Variants in ADGRL3 observed in about 807,000 individuals in gnomAD.
ADGRL3 encodes adhesion G protein-coupled receptor L3, also known as calcium-independent alpha-latrotoxin receptor 3.
In ADGRL3, 62 loss-of-function variants were observed where a neutral mutation model predicts 153.5. The observed-to-expected ratio is 0.40, with a 90% CI of 0.33 to 0.50. The LOEUF (loss-of-function observed/expected upper bound fraction) is 0.50. Among genes scored for constraint, ADGRL3 ranks in the 20% least tolerant of loss-of-function variants. ADGRL3 has a pLI of 0.47. For synonymous variants in ADGRL3, 710 were observed against 672.5 expected (o/e 1.06, Z -0.86); for missense variants, 1,641 against 1,859.4 (o/e 0.88, Z 2.16).
intron 9 of ADGRL3, among the ~76,000 whole-genome samples, chr4:61,890,639 G>A (rs2098572100): frequency 6.6e-6 from 1 of 152,182 alleles, no homozygotes; most frequent in Non-Finnish European, 1.5e-5. Flanking sequence ...ATTCACGAGG[G>A]CAGAGCCCTC....
chr4:61,628,548 T>A (rs1560960094), intron 5 of ADGRL3, among the ~76,000 whole-genome samples: 1 of 152,240 alleles, frequency 6.6e-6, no homozygotes, highest in African/African-American at 2.4e-5. Flanking sequence ...ATGACAAGTT[T>A]AATTTAATTA....
intron 5 of ADGRL3, among the ~76,000 whole-genome samples, chr4:61,647,056 C>A (rs1043025383): frequency 1.3e-5 from 2 of 152,166 alleles, no homozygotes; most frequent in Non-Finnish European, 1.5e-5. Flanking sequence ...CCGTCCATCA[C>A]CCCTTTCTTT....
intron 1 of ADGRL3, among the ~76,000 whole-genome samples, chr4:61,286,733 A>T (rs765365328): frequency 6.6e-6 from 1 of 151,680 alleles, no homozygotes; most frequent in Admixed American, 6.6e-5. Flanking sequence ...ATTCATTGAT[A>T]TTTTGAAAAA....
chr4:61,312,347 A>G (rs781056269), intron 1 of ADGRL3, among the ~76,000 whole-genome samples: 2 of 152,202 alleles, frequency 1.3e-5, no homozygotes. Context: ...GAGAAAATCT[A>G]GGTGACCTTG....
chr4:61,853,835 G>C (rs1431301587), intron 9 of ADGRL3, among the ~76,000 whole-genome samples: 2 of 152,182 alleles, frequency 1.3e-5, no homozygotes, highest in East Asian at 3.9e-4. Flanking sequence ...AGCTCAACAA[G>C]GGAGAGCTAG....
intron 4 of ADGRL3, among the ~76,000 whole-genome samples, chr4:61,566,658 T>C (rs1305995285): frequency 6.6e-6 from 1 of 152,094 alleles, no homozygotes; most frequent in Non-Finnish European, 1.5e-5. Flanking sequence ...AAGATAAAAA[T>C]ATATAATAAA....
In ADGRL3 at chr4:61,609,657, A is replaced by G. The variant is rs80182924; in HGVS notation, c.473+22217A>G. On this transcript the variant is annotated intron_variant, in intron 5 of 26. Transcript: ENST00000683033. ...CTGAATTTTCTTTCCTGTATGTACA[A>G]TCCTGATTATGCAGCCCAGCTTCAC... 5.9e-3 allele frequency among the ~76,000 whole-genome samples: 895 copies of G among 152,132 alleles called. 13 individuals are homozygous for G. Among genetic ancestry groups the G allele is most frequent in the African/African-American group, 0.02 (847 of 41,500 alleles).
chr4:61,491,316 A>G (rs1361964657), intron 2 of ADGRL3, among the ~76,000 whole-genome samples: 2 of 152,200 alleles, frequency 1.3e-5, no homozygotes, highest in African/African-American at 2.4e-5. Context: ...GAATTGAATA[A>G]TAAGCATTTA....
intron 25 of ADGRL3, among the ~76,000 whole-genome samples, chr4:62,051,452 C>A (rs759984387): frequency 6.6e-6 from 1 of 151,172 alleles, no homozygotes; most frequent in Non-Finnish European, 1.5e-5. Flanking sequence ...ATATTGATGT[C>A]CATCAATCCA....
intron 9 of ADGRL3, among the ~76,000 whole-genome samples, chr4:61,814,771 C>T (rs1208897973): frequency 1.3e-5 from 2 of 152,076 alleles, no homozygotes; most frequent in South Asian, 2.1e-4. Flanking sequence ...CATTTCAAGG[C>T]CCTCCTCTAT....
intron 2 of ADGRL3, among the ~76,000 whole-genome samples, chr4:61,422,117 C>G (rs1293755488): frequency 6.6e-6 from 1 of 152,140 alleles, no homozygotes; most frequent in African/African-American, 2.4e-5. Context: ...AAGTGAGAGA[C>G]TGCTTTGCAT....
At chr4:61,372,838 C>A (rs1056270548) in intron 1 of ADGRL3, among the ~76,000 whole-genome samples, 7 of 152,132 alleles carry the variant, frequency 4.6e-5, no homozygotes, top group African/African-American at 1.7e-4. Flanking sequence ...CTCGCTGCCG[C>A]CTTGCAGTTT....
At chr4:61,674,717 T>C (rs2095128556) in intron 5 of ADGRL3, among the ~76,000 whole-genome samples, 1 of 152,016 alleles carries the variant, frequency 6.6e-6, no homozygotes, top group Non-Finnish European at 1.5e-5. Context: ...TATTAAAAAC[T>C]TGACATGGAT....
chr4:61,517,441 A>G lies in ADGRL3; in HGVS notation c.182A>G (p.His61Arg), dbSNP rs1346300031. Reference protein sequence around the residue: ...QQPAAERTAAHRGQGPRGATR... With the variant: ...QQPAAERTAARRGQGPRGATR... ...CCAGCTGCAGAGCGCACCGCTGCTC[A>G]TCGTGGACAAGGGCCCCGTGGAGCT... Residue 61 changes from histidine to arginine, a missense_variant, in exon 4 of 27, where the codon CAT becomes CGT. Around this residue, in one of 5 missense-constraint regions of ADGRL3, gnomAD observed 145 missense variants for 79.1 expected, o/e 1.83. Transcript: ENST00000683033. The G allele has an allele frequency of 1.3e-6, 1 of 799,132 alleles. No homozygotes were observed. The highest frequency in any genetic ancestry group is 1.7e-5 in the African/African-American group (1 of 59,202). 49.5% of individuals were successfully genotyped at this position (799,132 alleles called of 1,614,324 possible). A position where few individuals can be genotyped will look rare whatever the true frequency, so the allele number is the denominator to read the frequency against.
chr4:61,216,960 A>G (rs1297837814), intron 1 of ADGRL3, among the ~76,000 whole-genome samples: 1 of 152,228 alleles, frequency 6.6e-6, no homozygotes, highest in Non-Finnish European at 1.5e-5. Context: ...TTTGTTGTTG[A>G]AGCTGATACC....
chr4:61,674,136 C>T lies in ADGRL3; in HGVS notation c.474-2690C>T, dbSNP rs554937892. ...CATAATATATAATATGTAAATTTGT[C>T]GATGCATTTTTAGATAGATAGATAG... is the stretch of plus-strand genomic sequence containing the variant. On this transcript the variant is annotated intron_variant, in intron 5 of 26. Transcript: ENST00000683033. 1.5e-4 allele frequency among the ~76,000 whole-genome samples: 21 copies of T among 138,634 alleles called. No homozygotes were observed. The South Asian group carries it at 3.3e-3, about 22-fold the overall frequency. 90.9% of individuals were successfully genotyped at this position (138,634 alleles called of 152,430 possible).
intron 2 of ADGRL3, among the ~76,000 whole-genome samples, chr4:61,488,824 A>G (rs1409610606): frequency 2.0e-5 from 3 of 152,030 alleles, no homozygotes; most frequent in Admixed American, 6.6e-5. Flanking sequence ...TGTTACTGAC[A>G]CAGATTGCTT....
At chr4:62,032,227 T>C (rs1212716459) in intron 23 of ADGRL3, among the ~76,000 whole-genome samples, 1 of 151,482 alleles carries the variant, frequency 6.6e-6, no homozygotes, top group Non-Finnish European at 1.5e-5. Context: ...ATGCAATCTT[T>C]TACATGTATC....
intron 4 of ADGRL3, among the ~76,000 whole-genome samples, chr4:61,537,359 G>T (rs1275337286): frequency 6.6e-6 from 1 of 151,798 alleles, no homozygotes; most frequent in Non-Finnish European, 1.5e-5. Flanking sequence ...GTGTGCTTTG[G>T]TGATGTTCAG....
Sources: allele counts gnomAD v4.1 joint callset (sites outside exome capture counted in the v4.1 genomes callset), GRCh38; gene constraint gnomAD v4.1.1; regional missense constraint gnomAD v4.1.1; transcripts MANE v1.5; gene names NCBI Gene and HGNC (gene_info 2026-07-23, HGNC 2026-07-21).